The following MYO15A variants were observed in gnomAD, a reference collection of about 807,000 sequenced individuals.
The protein encoded by MYO15A is unconventional myosin-XV.
MYO15A carries 308 observed loss-of-function variants against 394.6 expected under a neutral mutation model. The observed-to-expected ratio is 0.78, with a 90% CI of 0.71 to 0.86. The LOEUF (loss-of-function observed/expected upper bound fraction) is 0.86. Among genes scored for constraint, MYO15A ranks in the 40% least tolerant of loss-of-function variants. The probability of loss-of-function intolerance (pLI) is 0.00; values close to 1 mark genes in which losing one functional copy is unlikely to be tolerated. For missense variants in MYO15A, 4,606 were observed against 4,799.1 expected, an observed-to-expected ratio of 0.96 and a Z score of 1.19; for synonymous variants, 1,957 against 2,003.8, an observed-to-expected ratio of 0.98 and a Z score of 0.62.
intron 1 of MYO15A, among the ~76,000 whole-genome samples, chr17:18,110,945 T>C (rs770501222): frequency 1.3e-4 from 20 of 152,242 alleles, no homozygotes; most frequent in Non-Finnish European, 2.1e-4. Flanking sequence ...CAGGGTTGCG[T>C]TGTCAGCAGA....
chr17:18,167,544 G>T, intron 61 of MYO15A, 46 bp from the exon 62 acceptor site: 1 of 1,599,220 alleles, frequency 6.3e-7, no homozygotes, highest in Non-Finnish European at 8.5e-7. Flanking sequence ...CCAAGTGCCT[G>T]CACGCGTGCC....
Position 18,178,852 on chromosome 17 carries a change from C to A in MYO15A, c.10575C>A (p.Ser3525Arg), listed in dbSNP as rs201070092. Residue 3525 changes from serine (S) to arginine (R), a missense_variant, in exon 66 of 66, where the codon AGC becomes AGA. Transcript: ENST00000647165. Reference protein sequence around the residue: ...AHEKRLTLPPSEITLL With the variant: ...AHEKRLTLPPREITLL ...AGAAGCGGCTCACATTGCCCCCCAG[C>A]GAGATCACCCTGCTCTGACCCAGCC... 5 of 1,613,306 alleles carry A rather than the reference C, an allele frequency of 3.1e-6. No homozygotes were observed. Among genetic ancestry groups the A allele is most frequent in the Non-Finnish European group, 4.2e-6 (5 of 1,179,992 alleles).
At chr17:18,138,767 G>A (rs774802980) in intron 17 of MYO15A, 44 bp from the exon 18 acceptor site, 2 of 1,609,332 alleles carry the variant, frequency 1.2e-6, no homozygotes, top group Middle Eastern at 1.7e-4. Flanking sequence ...GGAACAGGGT[G>A]TCCAGGCCTC....
Position 18,154,695 on chromosome 17 carries a change from C to A in MYO15A, c.8164C>A (p.Leu2722Ile), listed in dbSNP as rs910584581. 4.3e-6 allele frequency: 7 copies of A among 1,613,576 alleles called. No individual in the cohort carries two copies. The highest frequency in any genetic ancestry group is 5.9e-6 in the Non-Finnish European group (7 of 1,180,044). Reference sequence around the variant, plus strand: ...GTTCCCACAGATCCTGCACGACACGCTCTCCGAGGCCTGCCTTCGCATCTC... The same window carrying A: ...GTTCCCACAGATCCTGCACGACACGATCTCCGAGGCCTGCCTTCGCATCTC... ...LLFRQILHDT[L>I]SEACLRISED... The change falls in exon 45 of 66, where the codon CTC becomes ATC. Residue 2722 changes from leucine (L) to isoleucine (I), a missense_variant. This residue lies in a region of MYO15A where 2,776 missense variants were observed against 3,109.3 expected (regional missense o/e 0.89). Coordinates refer to ENST00000647165, the MANE Select transcript of MYO15A (RefSeq NM_016239.4).
Position 18,172,205 on chromosome 17 carries a change from A to G in MYO15A, c.10265A>G (p.Gln3422Arg), listed in dbSNP as rs2046952571. ...PMFGSSFFFI[Q>R]SCSNIAVPAP... ...TTCGGCTCCTCCTTCTTCTTCATCC[A>G]GAGCTGCAGCAACATTGCTGTGCCA... is the stretch of plus-strand genomic sequence containing the variant. Residue 3422 changes from glutamine to arginine, a missense_variant, in exon 64 of 66, where the codon CAG (glutamine) becomes CGG (arginine). Coordinates refer to ENST00000647165, the MANE Select transcript of MYO15A (RefSeq NM_016239.4). The G allele has an allele frequency of 6.2e-7, 1 of 1,614,068 alleles. No individual in the cohort carries two copies. Among genetic ancestry groups the G allele is most frequent in the African/African-American group, 1.3e-5 (1 of 74,920 alleles).
chr17:18,144,637 C>T lies in MYO15A; in HGVS notation c.6273+45C>T, dbSNP rs760107592. On this transcript the variant is annotated intron_variant, in intron 29 of 65. Transcript: ENST00000647165. ...CCACCTTCTAATTCTTAGCCCCTGG[C>T]CCTGAAACTGGGCCATGAGGCTCCC... 4.4e-6 allele frequency: 7 copies of T among 1,586,224 alleles called. No homozygotes were observed. In the Admixed American group the frequency reaches 1.2e-4, roughly 26 times the overall value.
intron 22 of MYO15A, among the ~76,000 whole-genome samples, 178 bp from the exon 23 acceptor site, chr17:18,141,475 C>T (rs571883382): frequency 6.6e-6 from 1 of 152,208 alleles, no homozygotes; most frequent in Non-Finnish European, 1.5e-5. Flanking sequence ...TTGTCTGACA[C>T]CCAGAAGTAA....
At chr17:18,168,877 G>A (rs866241231) in intron 62 of MYO15A, among the ~76,000 whole-genome samples, 14 of 151,708 alleles carry the variant, frequency 9.2e-5, no homozygotes, top group Non-Finnish European at 1.3e-4. Flanking sequence ...CGAGATGGGC[G>A]GATCACCAGA....
chr17:18,134,874 C>T (rs1014531760), intron 12 of MYO15A, among the ~76,000 whole-genome samples: 4 of 151,774 alleles, frequency 2.6e-5, no homozygotes, highest in East Asian at 1.9e-4. Context: ...TTCTTTTAAT[C>T]GGCTTTTTTT....
At chr17:18,175,222 T>G (rs1281523504) in intron 65 of MYO15A, among the ~76,000 whole-genome samples, 1 of 151,028 alleles carries the variant, frequency 6.6e-6, no homozygotes, top group Non-Finnish European at 1.5e-5. Flanking sequence ...CCCAGCCTTC[T>G]CCAGCCTTCT....
In MYO15A at chr17:18,149,574, G is replaced by A. The variant is rs1320465379; in HGVS notation, c.7206G>A (p.Gly2402=). Residue 2402 remains glycine, a synonymous_variant, in exon 35 of 66, where the codon GGG becomes GGA. Coordinates refer to ENST00000647165, the MANE Select transcript of MYO15A (RefSeq NM_016239.4). ...DSLFDPVLSY[G]DADLEKPTAI... ...TCTTTGACCCTGTGCTGTCCTACGG[G>A]GATGCGGTAGGGATGGTGTGGGGTG... 2 of 1,613,860 alleles carry A rather than the reference G, an allele frequency of 1.2e-6. No homozygotes were observed. The highest frequency in any genetic ancestry group is 1.3e-5 in the African/African-American group (1 of 74,924).
At chr17:18,140,453 T>C in intron 19 of MYO15A, 64 bp from the exon 20 acceptor site, 1 of 1,608,666 alleles carries the variant, frequency 6.2e-7, no homozygotes, top group Non-Finnish European at 8.5e-7. Flanking sequence ...CTGCTCTCTC[T>C]TCCTCCTCAT....
chr17:18,148,185 G>A lies in MYO15A; in HGVS notation c.6666G>A (p.Met2222Ile). ...CAGCGACCTATGAGAAGGCCAGCAT[G>A]GCGCTGGACGTGGGCTGCTTCAATG... ...EWTATYEKAS[M>I]ALDVGCFNGD... Residue 2222 changes from methionine to isoleucine, a missense_variant, in exon 31 of 66, where the codon ATG becomes ATA. By Grantham distance (10) the Met-to-Ile change is conservative. Transcript: ENST00000647165. The surrounding 1 kb of genome is among the most constrained non-coding windows in gnomAD (Gnocchi z 4.8). 1.2e-6 allele frequency: 2 copies of A among 1,613,774 alleles called. No individual in the cohort carries two copies. Among genetic ancestry groups the A allele is most frequent in the Non-Finnish European group, 1.7e-6 (2 of 1,180,028 alleles).
At chr17:18,145,054 G>A (rs974447263) in intron 29 of MYO15A, among the ~76,000 whole-genome samples, 1 of 152,166 alleles carries the variant, frequency 6.6e-6, no homozygotes, top group Non-Finnish European at 1.5e-5. Flanking sequence ...GGCAGGGAGA[G>A]TGGAGAAAGT....
At position 18,132,455 on chromosome 17, in the gene MYO15A, CA is replaced by C; in HGVS notation, c.4214del (p.Asn1405ThrfsTer34). 1 of 1,613,828 alleles carries C rather than the reference CA, an allele frequency of 6.2e-7. No homozygotes were observed. On this transcript the variant is annotated frameshift_variant, in exon 11 of 66. Transcript: ENST00000647165. LOFTEE classifies it high-confidence loss of function. This position sits in a 1 kb window ranked among gnomAD's most constrained non-coding sequence, Gnocchi z 4.6. ...GTGCCCACCTACCCACTCTACAGGC[CA>C]AAAACGAGAGGAATTACCACATCTT... is the stretch of plus-strand genomic sequence containing the variant. ...LEKSRIVFQA[K>X]NERNYHIFYE...
intron 65 of MYO15A, 72 bp downstream of exon 65, chr17:18,173,993 G>A: frequency 6.4e-7 from 1 of 1,556,158 alleles, no homozygotes; most frequent in Middle Eastern, 2.2e-4. Flanking sequence ...GATAGGTCAG[G>A]TCCCTGCCAT....
At position 18,120,442 on chromosome 17, in the gene MYO15A, G is replaced by T. The variant is rs1247149994; in HGVS notation, c.1642G>T (p.Ala548Ser). 6.3e-7 allele frequency: 1 copy of T among 1,582,818 alleles called. No homozygotes were observed. The highest frequency in any genetic ancestry group is 1.1e-5 in the South Asian group (1 of 88,940). The stretch of plus-strand genomic sequence containing the variant: ...GCGCAACCTCCAGCGCGCGCTGTCG[G>T]CCTTCGGCGCCCACCGGGGCCTGGG... Reference protein sequence around the residue: ...RQRNLQRALSAFGAHRGLGFG... With the variant: ...RQRNLQRALSSFGAHRGLGFG... The change falls in exon 2 of 66, where the codon GCC becomes TCC. Residue 548 changes from alanine to serine, a missense_variant. Around this residue, in one of 2 missense-constraint regions of MYO15A, gnomAD observed 1,830 missense variants for 1,689.7 expected, o/e 1.08. Transcript: ENST00000647165.
Position 18,154,682 on chromosome 17 carries a change from C to T in MYO15A, c.8151C>T (p.Ile2717=). ...TGCATCACAGCCTGTTCCCACAGAT[C>T]CTGCACGACACGCTCTCCGAGGCCT... is the stretch of plus-strand genomic sequence containing the variant. The part of the protein sequence containing the change: ...PVQLDLLFRQ[I]LHDTLSEACL... Residue 2717 remains isoleucine (I), a splice_region_variant and synonymous_variant, in exon 45 of 66, where the codon ATC becomes ATT. Transcript: ENST00000647165. 8 of 1,613,438 alleles carry T rather than the reference C, an allele frequency of 5.0e-6. No individual in the cohort carries two copies. Among genetic ancestry groups the T allele is most frequent in the Non-Finnish European group, 6.8e-6 (8 of 1,180,022 alleles).
intron 8 of MYO15A, among the ~76,000 whole-genome samples, 172 bp downstream of exon 8, chr17:18,130,982 G>A (rs1372116543): frequency 3.9e-5 from 6 of 151,928 alleles, no homozygotes; most frequent in Non-Finnish European, 8.8e-5. Context: ...GTGGTCAGGG[G>A]CTGCTGTGGG....
Sources: gnomAD v4.1 joint callset for allele counts (sites outside exome capture counted in the v4.1 genomes callset) on GRCh38, gnomAD v4.1.1 for gene constraint, gnomAD v4.1.1 regional missense constraint, Gnocchi (gnomAD v3.1) non-coding constraint, MANE v1.5 for transcripts, NCBI Gene and HGNC (gene_info 2026-07-23, HGNC 2026-07-21) for gene names.